HYCC1: variants seen among roughly 807,000 people sequenced by gnomAD.
The protein encoded by HYCC1 is hyccin PI4KA lipid kinase complex subunit 1, also known as hyccin.
chr7:23,008,839 T>C, the HYCC1 span, among the ~76,000 whole-genome samples: 1 of 151,970 alleles, frequency 6.6e-6, no homozygotes, highest in African/African-American at 2.4e-5. Context: ...TAAAATACAC[T>C]GCAAATAGAC....
the HYCC1 span, among the ~76,000 whole-genome samples, chr7:23,005,123 A>G: frequency 6.6e-6 from 1 of 152,154 alleles, no homozygotes; most frequent in African/African-American, 2.4e-5. Flanking sequence ...TACTTTCTAC[A>G]AGCAGAGGAA....
chr7:22,920,034 A>G, the HYCC1 span, among the ~76,000 whole-genome samples: 3 of 152,176 alleles, frequency 2.0e-5, no homozygotes, highest in African/African-American at 7.2e-5. Flanking sequence ...ACAAAGATAA[A>G]AAGGAAATAT....
the HYCC1 span, among the ~76,000 whole-genome samples, chr7:22,948,367 C>A: frequency 6.6e-6 from 1 of 152,024 alleles, no homozygotes; most frequent in Non-Finnish European, 1.5e-5. Flanking sequence ...AGAACAAAGG[C>A]CAGAGCCACA....
the HYCC1 span, among the ~76,000 whole-genome samples, chr7:22,951,246 AGCTTTT>A: frequency 6.6e-6 from 1 of 151,928 alleles, no homozygotes; most frequent in Admixed American, 6.6e-5. Context: ...AAACCACCTT[AGCTTTT>A]GCTTTTATTT....
At chr7:22,978,225 T>G in the HYCC1 span, 1 of 1,574,188 alleles carries the variant, frequency 6.4e-7, no homozygotes, top group Non-Finnish European at 8.7e-7. Flanking sequence ...GTTATATATT[T>G]GATTTTGTCA....
chr7:22,976,482 A>C, the HYCC1 span, among the ~76,000 whole-genome samples: 64 of 152,342 alleles, frequency 4.2e-4, no homozygotes, highest in African/African-American at 1.5e-3. Context: ...TAACAGCCAT[A>C]TGAAACCTGT....
chr7:22,914,983 C>G, the HYCC1 span, among the ~76,000 whole-genome samples: 1 of 152,166 alleles, frequency 6.6e-6, no homozygotes, highest in Non-Finnish European at 1.5e-5. Flanking sequence ...GCTAATGCTC[C>G]TTTTTCTTTA....
chr7:23,003,011 C>T, the HYCC1 span, among the ~76,000 whole-genome samples: 3 of 152,158 alleles, frequency 2.0e-5, no homozygotes, highest in Admixed American at 2.0e-4. Context: ...GGACACCAAT[C>T]ATACTGAATT....
the HYCC1 span, among the ~76,000 whole-genome samples, chr7:22,991,615 T>G: frequency 6.6e-6 from 1 of 152,142 alleles, no homozygotes; most frequent in Non-Finnish European, 1.5e-5. Flanking sequence ...AAGTGTAATG[T>G]TCATTTTTTA....
At chr7:22,931,112 G>C in the HYCC1 span, among the ~76,000 whole-genome samples, 1 of 151,986 alleles carries the variant, frequency 6.6e-6, no homozygotes, top group Non-Finnish European at 1.5e-5. Context: ...TTAGGATGAA[G>C]TCATATAGGA....
chr7:22,907,094 G>T, the HYCC1 span, among the ~76,000 whole-genome samples: 1 of 97,234 alleles, frequency 1.0e-5, no homozygotes, highest in Non-Finnish European at 1.8e-5. Flanking sequence ...GACAGAGTGA[G>T]ACTCTATCTC....
At chr7:23,010,685 A>G in the HYCC1 span, among the ~76,000 whole-genome samples, 1 of 152,222 alleles carries the variant, frequency 6.6e-6, no homozygotes, top group Non-Finnish European at 1.5e-5. Flanking sequence ...AGCTGTTGAA[A>G]TAAATATTGA....
At chr7:22,960,315 C>T in the HYCC1 span, 72 of 1,613,718 alleles carry the variant, frequency 4.5e-5, no homozygotes, top group Middle Eastern at 5.0e-4. Context: ...TCTTGATATT[C>T]GAGAGGAAGT....
chr7:22,916,113 G>A, the HYCC1 span, among the ~76,000 whole-genome samples: 1 of 152,046 alleles, frequency 6.6e-6, no homozygotes, highest in Non-Finnish European at 1.5e-5. Context: ...CCCACAGCAT[G>A]CTTTAAAAGG....
At chr7:22,904,292 G>A in the HYCC1 span, among the ~76,000 whole-genome samples, 1,383 of 151,964 alleles carry the variant, frequency 9.1e-3, 23 homozygotes, top group African/African-American at 0.028. Flanking sequence ...TTAGCCGGGC[G>A]TGGTGGCAGG....
the HYCC1 span, among the ~76,000 whole-genome samples, chr7:22,952,098 AT>A: frequency 6.6e-6 from 1 of 152,012 alleles, no homozygotes; most frequent in Non-Finnish European, 1.5e-5. Context: ...TATGTCAGAC[AT>A]TGATTTAGAT....
chr7:22,968,862 T>C, the HYCC1 span, among the ~76,000 whole-genome samples: 4 of 152,128 alleles, frequency 2.6e-5, no homozygotes, highest in African/African-American at 7.2e-5. Flanking sequence ...GCCATGTGCC[T>C]GTAATCCCAG....
chr7:22,945,643 A>C, the HYCC1 span: 1 of 1,613,756 alleles, frequency 6.2e-7, no homozygotes, highest in South Asian at 1.1e-5. Flanking sequence ...GACCTGATTG[A>C]TGCTTCATTG....
chr7:22,955,013 TAAC>T, the HYCC1 span, among the ~76,000 whole-genome samples: 2 of 151,532 alleles, frequency 1.3e-5, no homozygotes, highest in Non-Finnish European at 3.0e-5. Flanking sequence ...ATTGAAACAA[TAAC>T]AACATTTTTA....
Sources: allele counts gnomAD v4.1 joint callset (sites outside exome capture counted in the v4.1 genomes callset), GRCh38; gene constraint gnomAD v4.1.1; transcripts MANE v1.5; gene names NCBI Gene and HGNC (gene_info 2026-07-23, HGNC 2026-07-21).